BACE2: variants seen among roughly 807,000 people sequenced by gnomAD.
BACE2 encodes the protein beta-secretase 2, also known as 56 kDa aspartic-like protease.
BACE2 carries 17 observed loss-of-function variants against 46.2 expected under a neutral mutation model. The ratio of observed to expected loss-of-function variants is 0.37; its 90% CI spans 0.25 to 0.55. BACE2 has a LOEUF of 0.55. Among genes scored for constraint, BACE2 ranks in the 20% least tolerant of loss-of-function variants. The pLI is 0.82. For synonymous variants in BACE2, 277 were observed against 295.9 expected (o/e 0.94, Z 0.66); for missense variants, 595 against 698.1 (o/e 0.85, Z 1.66).
intron 1 of BACE2, chr21:41,178,862 G>T: frequency 4.0e-6 from 1 of 249,240 alleles, no homozygotes; most frequent in Non-Finnish European, 7.8e-6. Flanking sequence ...AGATTGTCAA[G>T]GAAGTAAACA....
At chr21:41,203,863 C>T (rs895394564) in intron 1 of BACE2, among the ~76,000 whole-genome samples, 3 of 152,152 alleles carry the variant, frequency 2.0e-5, no homozygotes, top group African/African-American at 7.2e-5. Context: ...GACGTCAAAC[C>T]CCTCAGCAGG....
intron 1 of BACE2, among the ~76,000 whole-genome samples, chr21:41,220,167 GAT>G (rs3988408): frequency 0.12 from 18,166 of 152,150 alleles, 2,314 homozygotes; most frequent in African/African-American, 0.32. Context: ...CAGATGAAGA[GAT>G]GTGTAGGTTG....
At chr21:41,257,074 C>A in intron 7 of BACE2, 84 bp from the exon 8 acceptor site, 1 of 1,517,842 alleles carries the variant, frequency 6.6e-7, no homozygotes, top group Non-Finnish European at 9.1e-7. Flanking sequence ...GGGTCCTGAG[C>A]ATGCGTGTGA....
intron 8 of BACE2, among the ~76,000 whole-genome samples, chr21:41,261,689 T>A (rs1055100020): frequency 2.6e-5 from 4 of 152,084 alleles, no homozygotes; most frequent in African/African-American, 9.6e-5. Context: ...TACTGTATAC[T>A]TTTTTCTTAT....
intron 1 of BACE2, among the ~76,000 whole-genome samples, chr21:41,174,728 G>A (rs1984745220): frequency 6.6e-6 from 1 of 152,114 alleles, no homozygotes; most frequent in South Asian, 2.1e-4. Flanking sequence ...GGTGAGTGAG[G>A]TCCCTCTCCA....
intron 2 of BACE2, among the ~76,000 whole-genome samples, chr21:41,227,048 C>T (rs1027245333): frequency 1.3e-5 from 2 of 152,182 alleles, no homozygotes; most frequent in East Asian, 1.9e-4. Flanking sequence ...AGGCCCCCAG[C>T]GGCTTGTGGC....
rs546037699 is a variant in BACE2 at position 41,281,641 on chromosome 21, G to A, written c.*6017G>A. 3 of 152,250 alleles carry A rather than the reference G, an allele frequency of 2.0e-5. No individual in the cohort carries two copies. Among genetic ancestry groups the A allele is most frequent in the Admixed American group, 6.5e-5 (1 of 15,308 alleles). The allele number at this position is 152,250 out of a possible 1,614,324, so 9.4% of individuals were successfully genotyped here. A position where few individuals can be genotyped will look rare whatever the true frequency, so the allele number is the denominator to read the frequency against. ...TCGCATTTCTAAGATTAGTGTTCCT[G>A]AATGAAATGTTAAGAAAACATTAAA... On this transcript the variant is annotated 3_prime_UTR_variant, in exon 9 of 9. Transcript: ENST00000330333.
intron 3 of BACE2, among the ~76,000 whole-genome samples, chr21:41,239,112 C>T (rs1987216809): frequency 6.6e-6 from 1 of 152,038 alleles, no homozygotes; most frequent in African/African-American, 2.4e-5. Flanking sequence ...GAGCAATAGG[C>T]CCCCACTGTC....
At chr21:41,212,494 C>A (rs1986329829) in intron 1 of BACE2, among the ~76,000 whole-genome samples, 1 of 152,148 alleles carries the variant, frequency 6.6e-6, no homozygotes, top group South Asian at 2.1e-4. Context: ...TACCCTGAGA[C>A]ACTGGTAGGG....
intron 1 of BACE2, 107 bp downstream of exon 1, chr21:41,168,682 T>G: frequency 2.0e-4 from 101 of 497,702 alleles, no homozygotes; most frequent in East Asian, 8.4e-4. Context: ...GCAGCAGCTG[T>G]CCCCGCACAG....
At chr21:41,236,589 G>A (rs1987125402) in intron 2 of BACE2, 1 of 152,248 alleles carries the variant, frequency 6.6e-6, no homozygotes, top group Admixed American at 6.5e-5. Flanking sequence ...ATTTTGGTGA[G>A]AGTATAATCA....
At position 41,212,667 on chromosome 21, in the gene BACE2, G is replaced by A. The variant is rs150187067; in HGVS notation, c.313-13599G>A. On this transcript the variant is annotated intron_variant, in intron 1 of 8. Transcript: ENST00000330333. ...CTGGGGAGTAAGGGAGCAACGGTTTGGACCCACCAGCTGTTTATTTTTGGT... is the reference window on the plus strand; with the variant it reads ...CTGGGGAGTAAGGGAGCAACGGTTTAGACCCACCAGCTGTTTATTTTTGGT... Among the ~76,000 whole-genome samples, 113 of 152,272 alleles carry A rather than the reference G, an allele frequency of 7.4e-4. 1 individual carries two copies. The Middle Eastern group carries it at 0.01, about 14-fold the overall frequency.
intron 1 of BACE2, chr21:41,178,377 T>TG (rs746389135): frequency 2.0e-5 from 3 of 152,220 alleles, no homozygotes; most frequent in Non-Finnish European, 4.4e-5. Context: ...CTGGAGTGAC[T>TG]GGGGGTTAAA....
At chr21:41,236,868 G>A (rs1987135423) in intron 2 of BACE2, among the ~76,000 whole-genome samples, 3 of 152,174 alleles carry the variant, frequency 2.0e-5, no homozygotes, top group African/African-American at 7.2e-5. Context: ...GTCCTACGGT[G>A]GCCAAACAAA....
chr21:41,179,234 G>T, intron 1 of BACE2: 1 of 1,294,254 alleles, frequency 7.7e-7, no homozygotes, highest in Non-Finnish European at 1.0e-6. Flanking sequence ...GAGGAGTGAG[G>T]GTGTCCAGGG....
chr21:41,273,568 C>T (rs891679524), intron 8 of BACE2, among the ~76,000 whole-genome samples: 1 of 152,230 alleles, frequency 6.6e-6, no homozygotes, highest in Non-Finnish European at 1.5e-5. Context: ...TAATGGTTAT[C>T]TCCTTTGTTC....
chr21:41,222,736 G>T (rs1601283367), intron 1 of BACE2, among the ~76,000 whole-genome samples: 1 of 152,364 alleles, frequency 6.6e-6, no homozygotes, highest in East Asian at 1.9e-4. Flanking sequence ...ACGAGGAGGG[G>T]ATGACAGTGG....
intron 8 of BACE2, among the ~76,000 whole-genome samples, chr21:41,263,229 C>T (rs1336824338): frequency 6.6e-6 from 1 of 152,124 alleles, no homozygotes; most frequent in Non-Finnish European, 1.5e-5. Flanking sequence ...CTATAATCAA[C>T]ATTCAACATT....
intron 8 of BACE2, among the ~76,000 whole-genome samples, chr21:41,264,541 T>C (rs761693923): frequency 4.0e-5 from 6 of 151,810 alleles, no homozygotes; most frequent in South Asian, 2.1e-4. Flanking sequence ...ACAATTGTGG[T>C]AGAAGAAGAA....
Sources: gnomAD v4.1 joint callset for allele counts (sites outside exome capture counted in the v4.1 genomes callset) on GRCh38, gnomAD v4.1.1 for gene constraint, MANE v1.5 for transcripts, NCBI Gene and HGNC (gene_info 2026-07-23, HGNC 2026-07-21) for gene names.